The following TTC34 variants were observed in gnomAD, a reference collection of about 807,000 sequenced individuals.
TTC34 encodes the protein tetratricopeptide repeat domain 34, also known as tetratricopeptide repeat protein 34.
In TTC34, 44 loss-of-function variants were observed where a neutral mutation model predicts 40.7. The ratio of observed to expected loss-of-function variants is 1.08; its 90% CI spans 0.85 to 1.39. TTC34 has a LOEUF of 1.39. Among genes scored for constraint, TTC34 ranks in the 40% most tolerant of loss-of-function variants. The pLI is 0.00. For missense variants in TTC34, 884 were observed against 838.0 expected, an observed-to-expected ratio of 1.05 and a Z score of -0.68; for synonymous variants, 422 against 398.6, an observed-to-expected ratio of 1.06 and a Z score of -0.70.
chr1:2,656,363 A>G (rs1170988654), intron 6 of TTC34, among the ~76,000 whole-genome samples: 279 of 74,396 alleles, frequency 3.8e-3, no homozygotes, highest in Middle Eastern at 9.6e-3. Flanking sequence ...ACAGCCTGGA[A>G]CAGCACCCAC....
chr1:2,773,296 A>C (rs1452243544), intron 6 of TTC34, among the ~76,000 whole-genome samples: 2 of 98,474 alleles, frequency 2.0e-5, no homozygotes, highest in Admixed American at 2.1e-4. Flanking sequence ...CGGCGCCCAC[A>C]GCCCCAGGTG....
intron 6 of TTC34, among the ~76,000 whole-genome samples, chr1:2,698,989 C>T (rs1285028160): frequency 5.7e-5 from 8 of 140,182 alleles, no homozygotes; most frequent in Non-Finnish European, 1.1e-4. Flanking sequence ...GAGCATCTGA[C>T]AGCCTGGAAA....
chr1:2,787,313 G>A (rs1217374665), intron 4 of TTC34, among the ~76,000 whole-genome samples, 168 bp downstream of exon 4: 2 of 152,208 alleles, frequency 1.3e-5, no homozygotes, highest in African/African-American at 4.8e-5. Flanking sequence ...GGAGACTGAG[G>A]GTCAGGTAGG....
chr1:2,750,204 C>T (rs1641269373), intron 6 of TTC34, among the ~76,000 whole-genome samples: 2 of 152,064 alleles, frequency 1.3e-5, no homozygotes, highest in East Asian at 1.9e-4. Flanking sequence ...GCACCCACAC[C>T]CCCAGGTGCG....
intron 6 of TTC34, among the ~76,000 whole-genome samples, chr1:2,692,087 C>A (rs1268816468): frequency 8.8e-6 from 1 of 113,600 alleles, no homozygotes; most frequent in Non-Finnish European, 1.9e-5. Context: ...ATCCGACAGC[C>A]TGGAGCAGAA....
chr1:2,695,687 C>G (rs1443222183), intron 6 of TTC34, among the ~76,000 whole-genome samples: 2 of 151,294 alleles, frequency 1.3e-5, no homozygotes, highest in Non-Finnish European at 1.5e-5. Flanking sequence ...CCCAGGTGAG[C>G]ATCTGACAGC....
At chr1:2,687,440 C>T (rs1178450943) in intron 6 of TTC34, among the ~76,000 whole-genome samples, 3 of 149,836 alleles carry the variant, frequency 2.0e-5, no homozygotes, top group Non-Finnish European at 4.4e-5. Context: ...GGAGCAGCAC[C>T]CACAACCACA....
At chr1:2,675,126 G>T (rs1446668168) in intron 6 of TTC34, among the ~76,000 whole-genome samples, 1 of 4,626 alleles carries the variant, frequency 2.2e-4, no homozygotes, top group African/African-American at 4.7e-4. Context: ...CACACCCCCA[G>T]GTGAGAATCT....
chr1:2,792,990 AT>A (rs1643677530), intron 2 of TTC34, among the ~76,000 whole-genome samples: 1 of 152,190 alleles, frequency 6.6e-6, no homozygotes, highest in South Asian at 2.1e-4. Context: ...CACTTTTTAT[AT>A]TTTGTCCAGC....
rs369805340 is a variant in TTC34 at position 2,787,733 on chromosome 1, A to G, written c.1629-27T>C. On this transcript the variant is annotated intron_variant, in intron 3 of 8. Coordinates refer to ENST00000401095, the Ensembl canonical transcript of TTC34. Reference sequence around the variant, plus strand: ...TGTGTGGAGATCAGCTCAGGGGGGCATGCCCCTTTTGACAACCCCTCCACC... The same window carrying G: ...TGTGTGGAGATCAGCTCAGGGGGGCGTGCCCCTTTTGACAACCCCTCCACC... The G allele has an allele frequency of 1.5e-5, 22 of 1,488,738 alleles. No individual in the cohort carries two copies. The African/African-American group carries it at 2.5e-4, about 17-fold the overall frequency. 92.2% of individuals were successfully genotyped at this position (1,488,738 alleles called of 1,614,324 possible).
chr1:2,644,554 C>G, intron 7 of TTC34, 76 bp from the exon 8 acceptor site: 1 of 1,410,512 alleles, frequency 7.1e-7, no homozygotes, highest in South Asian at 1.3e-5. Flanking sequence ...TCGCTGGCCG[C>G]TCCTTCCCTG....
intron 6 of TTC34, among the ~76,000 whole-genome samples, chr1:2,698,891 CCAGG>C (rs1640993452): frequency 6.7e-6 from 1 of 149,660 alleles, no homozygotes; most frequent in Non-Finnish European, 1.5e-5. Context: ...ACCCACACCC[CCAGG>C]TGAGCATCTG....
intron 6 of TTC34, among the ~76,000 whole-genome samples, chr1:2,695,595 ACTC>A (rs1640825673): frequency 3.1e-5 from 1 of 32,140 alleles, no homozygotes; most frequent in African/African-American, 1.1e-4. Context: ...CAGCACCCAC[ACTC>A]CAGGTGAGCA....
rs898453827 is a variant in TTC34, at chr1:2,645,656, A to C, written c.2227-93T>G. 2.3e-6 allele frequency: 3 copies of C among 1,304,830 alleles called. No individual in the cohort carries two copies. Among genetic ancestry groups the C allele is most frequent in the Non-Finnish European group, 3.0e-6 (3 of 998,384 alleles). The allele number at this position is 1,304,830 out of a possible 1,614,324, so 80.8% of individuals were successfully genotyped here. ...TAGGAGGACTGGCTCTGTCTTTCTC[A>C]TTCCCTGATCTTCTCCCTGGGGTCC... On this transcript the variant is annotated intron_variant, in intron 6 of 8. Coordinates refer to ENST00000401095, the Ensembl canonical transcript of TTC34. This position sits in a 1 kb window ranked among gnomAD's most constrained non-coding sequence, Gnocchi z 4.7.
chr1:2,799,097 T>C (rs1340833382), intron 2 of TTC34, among the ~76,000 whole-genome samples: 27 of 44,286 alleles, frequency 6.1e-4, no homozygotes, highest in Admixed American at 8.1e-4. Flanking sequence ...CTCCCAGACT[T>C]CCAGCCTCTC....
chr1:2,651,670 C>A (rs1570751837), intron 6 of TTC34, among the ~76,000 whole-genome samples: 1 of 150,530 alleles, frequency 6.6e-6, no homozygotes, highest in South Asian at 2.1e-4. Flanking sequence ...CCTGGGAAGT[C>A]ACCCCCACAC....
intron 6 of TTC34, among the ~76,000 whole-genome samples, chr1:2,700,684 A>G (rs188155120): frequency 0.018 from 2,136 of 117,656 alleles, 506 homozygotes; most frequent in Admixed American, 0.033. Flanking sequence ...GACAGCATGG[A>G]ACAAGACCAC....
chr1:2,685,099 G>A (rs979486928), intron 6 of TTC34, among the ~76,000 whole-genome samples: 2 of 140,460 alleles, frequency 1.4e-5, no homozygotes, highest in Admixed American at 1.4e-4. Context: ...GCACGTGACA[G>A]CTTGGATCAG....
chr1:2,757,064 C>CTGT (rs1641531286), intron 6 of TTC34, among the ~76,000 whole-genome samples: 7 of 78,972 alleles, frequency 8.9e-5, no homozygotes, highest in Admixed American at 1.3e-4. Flanking sequence ...ACAGGACCCA[C>CTGT]ACCCCCAGGC....
Sources: allele counts gnomAD v4.1 joint callset (sites outside exome capture counted in the v4.1 genomes callset), GRCh38; gene constraint gnomAD v4.1.1; non-coding constraint Gnocchi (gnomAD v3.1); transcripts MANE v1.5; gene names NCBI Gene and HGNC (gene_info 2026-07-23, HGNC 2026-07-21).